Variants in MYO1H observed in about 807,000 individuals in gnomAD.
MYO1H encodes myosin IH.
Under a neutral mutation model 149.3 loss-of-function variants are expected in MYO1H, and 118 were observed. That is an observed-to-expected ratio of 0.79 (90% CI 0.68 to 0.92). The LOEUF (loss-of-function observed/expected upper bound fraction) is 0.92, where lower values mean the gene tolerates loss of function less well. Ranked by LOEUF, MYO1H falls within the 40% of genes least tolerant of loss-of-function variation. The probability of loss-of-function intolerance (pLI) is 0.00; values close to 1 mark genes in which losing one functional copy is unlikely to be tolerated. For synonymous variants in MYO1H, 447 were observed against 465.2 expected (o/e 0.96, Z 0.50); for missense variants, 1,212 against 1,280.7 (o/e 0.95, Z 0.82).
At chr12:109,337,326 G>A in the MYO1H span, among the ~76,000 whole-genome samples, 2 of 152,130 alleles carry the variant, frequency 1.3e-5, no homozygotes, top group East Asian at 1.9e-4. Context: ...GCCCACTCCC[G>A]GGGAACCATG....
At chr12:109,443,480 CA>C (rs1176682145) in intron 27 of MYO1H, 33 bp from the exon 28 acceptor site, 3 of 1,607,120 alleles carry the variant, frequency 1.9e-6, no homozygotes, top group Non-Finnish European at 2.6e-6. Context: ...TACTCTGCCC[CA>C]CCTTCCCTGG....
intron 19 of MYO1H, among the ~76,000 whole-genome samples, chr12:109,428,017 T>C (rs191441303): frequency 2.8e-4 from 38 of 134,756 alleles, no homozygotes; most frequent in African/African-American, 9.7e-4. Context: ...GCCTGGGAGG[T>C]TGAGGCTGCG....
At chr12:109,325,810 A>G in the MYO1H span, among the ~76,000 whole-genome samples, 1 of 152,232 alleles carries the variant, frequency 6.6e-6, no homozygotes, top group Non-Finnish European at 1.5e-5. Flanking sequence ...CCAAGAAAAC[A>G]TGAAAAATAG....
rs556610836 is a variant in MYO1H, at chr12:109,433,818, G to A, written c.2063+808G>A. 1.3e-4 allele frequency among the ~76,000 whole-genome samples: 20 copies of A among 152,308 alleles called. 3 individuals carry two copies. The highest frequency in any genetic ancestry group is 4.8e-4 in the African/African-American group (20 of 41,576). On this transcript the variant is annotated intron_variant, in intron 20 of 31. Coordinates refer to ENST00000310903, the Ensembl canonical transcript of MYO1H. The stretch of plus-strand genomic sequence containing the variant: ...GCACATCCTGAGGGAGGCAGGGCAT[G>A]GAGGTCAGAGGTGGGATCCGTCTGT...
intron 14 of MYO1H, 61 bp from the exon 15 acceptor site, chr12:109,415,465 G>T (rs2135565912): frequency 6.7e-7 from 1 of 1,484,254 alleles, no homozygotes; most frequent in African/African-American, 1.4e-5. Flanking sequence ...AACAGAGCAA[G>T]ACGCCATCTC....
intron 1 of MYO1H, among the ~76,000 whole-genome samples, chr12:109,383,962 G>A (rs996573132): frequency 1.3e-5 from 2 of 152,206 alleles, no homozygotes; most frequent in Non-Finnish European, 2.9e-5. Flanking sequence ...GCTTTTAGAT[G>A]AGCAACAGGT....
chr12:109,397,681 T>C lies in MYO1H; in HGVS notation c.490-51T>C, dbSNP rs1869971580. ...AGTGTATTATTTGGGGTCAGGAATT[T>C]GATACGCATGGTGAGCTTAAATGAC... On this transcript the variant is annotated intron_variant, in intron 4 of 31. Coordinates refer to ENST00000310903, the Ensembl canonical transcript of MYO1H. 13 of 1,449,266 alleles carry C rather than the reference T, an allele frequency of 9.0e-6. No individual in the cohort carries two copies. The South Asian group carries it at 1.7e-4, about 18-fold the overall frequency. The allele number at this position is 1,449,266 out of a possible 1,614,324, so 89.8% of individuals were successfully genotyped here.
chr12:109,356,077 A>G (rs10850070), intron 1 of MYO1H, among the ~76,000 whole-genome samples: 66,494 of 151,908 alleles, frequency 0.44, 15,178 homozygotes, highest in African/African-American at 0.55. Context: ...TTTTAACCAA[A>G]TATTATTTAA....
chr12:109,347,296 T>C (rs1868358625), upstream of MYO1H, among the ~76,000 whole-genome samples: 1 of 152,196 alleles, frequency 6.6e-6, no homozygotes, highest in Non-Finnish European at 1.5e-5. Context: ...AGGGGTGAAC[T>C]CTGAGCTTCA....
At chr12:109,371,212 TC>T (rs1279991733) in intron 1 of MYO1H, among the ~76,000 whole-genome samples, 24 of 135,862 alleles carry the variant, frequency 1.8e-4, no homozygotes, top group Non-Finnish European at 3.0e-4. Context: ...TTTTTTTCTT[TC>T]TTTTTTTTTT....
intron 1 of MYO1H, among the ~76,000 whole-genome samples, chr12:109,355,874 A>AT (rs36092499): frequency 0.038 from 5,637 of 147,454 alleles, 119 homozygotes; most frequent in Middle Eastern, 0.073. Flanking sequence ...CGCCCAGCAA[A>AT]TTTTTTTTTT....
chr12:109,402,395 AAATG>A (rs1230280521), intron 6 of MYO1H, among the ~76,000 whole-genome samples: 11 of 152,196 alleles, frequency 7.2e-5, no homozygotes, highest in African/African-American at 2.7e-4. Context: ...AGGTCTTATA[AAATG>A]AATCTCATAA....
chr12:109,405,433 C>G (rs1435544807), intron 7 of MYO1H, among the ~76,000 whole-genome samples: 2 of 152,104 alleles, frequency 1.3e-5, no homozygotes, highest in Admixed American at 1.3e-4. Context: ...GCCTCAGTCT[C>G]CCAAGTAGCT....
chr12:109,406,467 T>TAAAAAA (rs56744077), intron 8 of MYO1H, among the ~76,000 whole-genome samples: 1 of 43,604 alleles, frequency 2.3e-5, no homozygotes, highest in African/African-American at 9.9e-5. Context: ...CCCTATCTCT[T>TAAAAAA]AAAAAAAAAA....
chr12:109,352,733 A>G (rs951755128), intron 1 of MYO1H, among the ~76,000 whole-genome samples: 3 of 152,198 alleles, frequency 2.0e-5, no homozygotes, highest in Non-Finnish European at 2.9e-5. Flanking sequence ...CCACTAATGT[A>G]TCTTATTTTG....
intron 27 of MYO1H, 62 bp from the exon 28 acceptor site, chr12:109,443,452 G>A: frequency 6.3e-7 from 1 of 1,584,910 alleles, no homozygotes; most frequent in Non-Finnish European, 8.6e-7. Context: ...ACCGGTGTCT[G>A]AGTAGCAAGA....
In MYO1H at chr12:109,388,969, C is replaced by T; in HGVS notation, c.174+125C>T. On this transcript the variant is annotated intron_variant, in intron 2 of 31. Transcript: ENST00000310903. ...ACATTAAAGGGAGATACTGAGGCGC[C>T]ACTCTTAGATGCACTTCGATCCTTT... 4.0e-6 allele frequency: 5 copies of T among 1,242,346 alleles called. No individual in the cohort carries two copies. In the South Asian group the frequency reaches 9.1e-5, roughly 23 times the overall value. 77.0% of individuals were successfully genotyped at this position (1,242,346 alleles called of 1,614,324 possible). A position where few individuals can be genotyped will look rare whatever the true frequency, so the allele number is the denominator to read the frequency against.
At chr12:109,368,228 A>G (rs1868909139) in intron 1 of MYO1H, among the ~76,000 whole-genome samples, 1 of 152,238 alleles carries the variant, frequency 6.6e-6, no homozygotes, top group Admixed American at 6.5e-5. Flanking sequence ...AAGGACAGGA[A>G]TATCTTTCTG....
chr12:109,433,920 T>C (rs956249426), intron 20 of MYO1H, among the ~76,000 whole-genome samples: 1 of 152,194 alleles, frequency 6.6e-6, no homozygotes, highest in Admixed American at 6.5e-5. Flanking sequence ...CCCCAGTGGC[T>C]GCCCTGGGAA....
Sources: gnomAD v4.1 joint callset for allele counts (sites outside exome capture counted in the v4.1 genomes callset) on GRCh38, gnomAD v4.1.1 for gene constraint, MANE v1.5 for transcripts, NCBI Gene and HGNC (gene_info 2026-07-23, HGNC 2026-07-21) for gene names.